KIF11: variants seen among roughly 807,000 people sequenced by gnomAD.
KIF11 encodes kinesin-like protein KIF11.
KIF11 carries 9 observed loss-of-function variants against 121.0 expected under a neutral mutation model. The observed-to-expected ratio is 0.07, with a 90% CI of 0.04 to 0.13. The LOEUF (loss-of-function observed/expected upper bound fraction) is 0.13, where lower values mean the gene tolerates loss of function less well. Among genes scored for constraint, KIF11 ranks in the 10% least tolerant of loss-of-function variants. The probability of loss-of-function intolerance (pLI) is 1.00; values close to 1 mark genes in which losing one functional copy is unlikely to be tolerated. For missense variants in KIF11, 846 were observed against 1,217.5 expected (o/e 0.69, Z 4.54); for synonymous variants, 408 against 421.0 (o/e 0.97, Z 0.38).
intron 1 of KIF11, among the ~76,000 whole-genome samples, chr10:92,604,721 G>A (rs185311773): frequency 5.8e-4 from 88 of 152,142 alleles, no homozygotes; most frequent in Non-Finnish European, 1.1e-3. Flanking sequence ...TTCCTGTTTG[G>A]CACTTTCTCC....
chr10:92,627,867 G>C (rs1315591977), intron 10 of KIF11, among the ~76,000 whole-genome samples: 1 of 152,104 alleles, frequency 6.6e-6, no homozygotes, highest in Non-Finnish European at 1.5e-5. Context: ...TTTTCTAGCT[G>C]CTGCTATTTT....
intron 17 of KIF11, among the ~76,000 whole-genome samples, chr10:92,645,037 G>A (rs914479800): frequency 6.6e-6 from 1 of 152,212 alleles, no homozygotes; most frequent in African/African-American, 2.4e-5. Flanking sequence ...TAGACAAGAG[G>A]CTGTAGTAGA....
intron 6 of KIF11, among the ~76,000 whole-genome samples, chr10:92,611,205 GTAT>G (rs906283340): frequency 1.3e-4 from 20 of 151,034 alleles, no homozygotes; most frequent in African/African-American, 2.7e-4. Flanking sequence ...GAGATGAATA[GTAT>G]TATTATTATT....
At chr10:92,609,948 G>A (rs1844477344) in intron 6 of KIF11, among the ~76,000 whole-genome samples, 1 of 152,136 alleles carries the variant, frequency 6.6e-6, no homozygotes. Context: ...TGTTGGCCAG[G>A]CTGGTCTCGA....
intron 1 of KIF11, among the ~76,000 whole-genome samples, chr10:92,604,686 T>C (rs901446696): frequency 6.6e-6 from 1 of 152,196 alleles, no homozygotes; most frequent in Non-Finnish European, 1.5e-5. Flanking sequence ...CAACTTGGTT[T>C]ATCTAGTGAT....
intron 10 of KIF11, among the ~76,000 whole-genome samples, chr10:92,623,811 T>A (rs924604202): frequency 5.9e-5 from 9 of 152,180 alleles, no homozygotes; most frequent in African/African-American, 2.2e-4. Flanking sequence ...ATCTTTCTGA[T>A]TTTATTTTTG....
At chr10:92,648,129 A>G in intron 18 of KIF11, 83 bp from the exon 19 acceptor site, 1 of 984,388 alleles carries the variant, frequency 1.0e-6, no homozygotes, top group South Asian at 1.8e-5. Context: ...AAAATTATGG[A>G]AAAGGTAAGG....
chr10:92,608,900 T>TG (rs1564705025), intron 4 of KIF11, 120 bp from the exon 5 acceptor site: 1 of 565,250 alleles, frequency 1.8e-6, no homozygotes, highest in African/African-American at 1.9e-5. Context: ...TCTTTTTTTG[T>TG]TTTGTTTTAA....
At chr10:92,645,264 G>A (rs778555879) in intron 17 of KIF11, 99 bp from the exon 18 acceptor site, 45 of 828,918 alleles carry the variant, frequency 5.4e-5, no homozygotes, top group African/African-American at 3.4e-4. Flanking sequence ...GACTGTCCAC[G>A]TTCAGATCTG....
At chr10:92,608,995 A>G in intron 4 of KIF11, 25 bp from the exon 5 acceptor site, 1 of 1,367,114 alleles carries the variant, frequency 7.3e-7, no homozygotes, top group Non-Finnish European at 9.9e-7. Flanking sequence ...TTCTTCCTTT[A>G]TATTAGTCCT....
intron 19 of KIF11, among the ~76,000 whole-genome samples, chr10:92,649,633 G>A (rs1032146945): frequency 3.3e-5 from 5 of 152,058 alleles, no homozygotes; most frequent in African/African-American, 1.2e-4. Flanking sequence ...GATGAATCTT[G>A]AAAACAGTAA....
intron 14 of KIF11, among the ~76,000 whole-genome samples, chr10:92,634,613 G>GT (rs1844778524): frequency 6.6e-6 from 1 of 152,162 alleles, no homozygotes; most frequent in African/African-American, 2.4e-5. Context: ...TCTCTCCACT[G>GT]TTTATTCTCT....
intron 4 of KIF11, 106 bp from the exon 5 acceptor site, chr10:92,608,914 G>A (rs553599803): frequency 3.3e-6 from 2 of 600,072 alleles, no homozygotes; most frequent in East Asian, 2.9e-5. Flanking sequence ...GTTTTAACTT[G>A]CTTTGCCATA....
rs145688470 is a variant in KIF11, at chr10:92,602,091, C to A, written c.78-4174C>A. On this transcript the variant is annotated intron_variant, in intron 1 of 21. Coordinates refer to ENST00000260731, the MANE Select transcript of KIF11 (RefSeq NM_004523.4). ...GATCAATTTTTACATGTTGGACCAT[C>A]CCTGTATTCCAGGAATAAATCCCAC... 9.9e-5 allele frequency among the ~76,000 whole-genome samples: 15 copies of A among 152,214 alleles called. No homozygotes were observed. The East Asian group carries it at 1.9e-3, about 20-fold the overall frequency.
In KIF11 at chr10:92,651,507, G is replaced by GTTTTTTTTTT. The variant is rs1175303233; in HGVS notation, c.3039+1022_3039+1031dup. Among the ~76,000 whole-genome samples the GTTTTTTTTTT allele has an allele frequency of 8.5e-4, 45 of 52,974 alleles. 12 individuals carry two copies. Among genetic ancestry groups the GTTTTTTTTTT allele is most frequent in the Non-Finnish European group, 1.6e-3 (38 of 23,902 alleles). The allele number at this position is 52,974 out of a possible 152,430, so 34.8% of individuals were successfully genotyped here. On this transcript the variant is annotated intron_variant, in intron 21 of 21. Coordinates refer to ENST00000260731, the MANE Select transcript of KIF11 (RefSeq NM_004523.4). Reference sequence around the variant, plus strand: ...TGTGCCACCATGCCTGGCTAATTTTGTTTTTTTTTTTTTTTTTTTTTTTTT... The same window carrying GTTTTTTTTTT: ...TGTGCCACCATGCCTGGCTAATTTTGTTTTTTTTTTTTTTTTTTTTTTTTTTTTTTTTTTT...
chr10:92,630,404 G>C (rs760981408), intron 12 of KIF11, 40 bp downstream of exon 12: 1 of 1,285,466 alleles, frequency 7.8e-7, no homozygotes, highest in Admixed American at 2.9e-5. Flanking sequence ...ATTAAGTAGA[G>C]AATGGGTAGA....
At chr10:92,622,760 T>C (rs370286588) in intron 10 of KIF11, among the ~76,000 whole-genome samples, 2 of 152,122 alleles carry the variant, frequency 1.3e-5, no homozygotes, top group Non-Finnish European at 2.9e-5. Context: ...CTGGGTAATT[T>C]ATAAAGAAAA....
At chr10:92,639,670 A>G (rs1261958029) in intron 16 of KIF11, 124 bp from the exon 17 acceptor site, 2 of 584,066 alleles carry the variant, frequency 3.4e-6, no homozygotes, top group African/African-American at 3.8e-5. Context: ...AGTTAACTTT[A>G]TCTCTTGTCA....
At chr10:92,608,895 T>C in intron 4 of KIF11, 125 bp from the exon 5 acceptor site, 1 of 550,008 alleles carries the variant, frequency 1.8e-6, no homozygotes, top group Non-Finnish European at 3.1e-6. Context: ...TTGTTTCTTT[T>C]TTTGTTTTGT....
Sources: gnomAD v4.1 joint callset for allele counts (sites outside exome capture counted in the v4.1 genomes callset) on GRCh38, gnomAD v4.1.1 for gene constraint, MANE v1.5 for transcripts, NCBI Gene and HGNC (gene_info 2026-07-23, HGNC 2026-07-21) for gene names.